Variants in PTPRJ observed in about 807,000 individuals in gnomAD.
PTPRJ encodes protein tyrosine phosphatase receptor type J.
Under a neutral mutation model 141.3 loss-of-function variants are expected in PTPRJ, and 129 were observed. The ratio of observed to expected loss-of-function variants is 0.91; its 90% CI spans 0.79 to 1.06. The LOEUF (loss-of-function observed/expected upper bound fraction) is 1.06, where lower values mean the gene tolerates loss of function less well. PTPRJ is among the 50% of genes least tolerant of loss of function. The pLI is 0.00. For synonymous variants in PTPRJ, 610 were observed against 640.5 expected (o/e 0.95, Z 0.72); for missense variants, 1,601 against 1,679.7 (o/e 0.95, Z 0.82).
At chr11:48,012,160 C>T (rs1180777489) in intron 1 of PTPRJ, among the ~76,000 whole-genome samples, 5 of 151,992 alleles carry the variant, frequency 3.3e-5, no homozygotes, top group South Asian at 2.1e-4. Flanking sequence ...GGGGTGAGTG[C>T]GATGCTAGTC....
At chr11:48,159,161 G>GTGTGTGTGTGTGTGTGTGTGTTTA (rs60389100) in intron 21 of PTPRJ, among the ~76,000 whole-genome samples, 13 of 130,520 alleles carry the variant, frequency 1.0e-4, no homozygotes, top group Non-Finnish European at 1.1e-4. Flanking sequence ...GTGTGTGTGT[G>GTGTGTGTGTGTGTGTGTGTGTTTA]GTCATTTGCC....
At chr11:48,055,685 C>T (rs564115048) in intron 1 of PTPRJ, among the ~76,000 whole-genome samples, 19 of 152,288 alleles carry the variant, frequency 1.2e-4, no homozygotes, top group Admixed American at 3.3e-4. Context: ...TCCCATTCCA[C>T]CCTGGGGCTT....
intron 1 of PTPRJ, among the ~76,000 whole-genome samples, chr11:48,053,036 C>G (rs1854615907): frequency 7.1e-6 from 1 of 141,770 alleles, no homozygotes; most frequent in Admixed American, 7.6e-5. Context: ...GAATGTGGCT[C>G]TGTGTTTCCA....
Position 48,123,691 on chromosome 11 carries a change from G to A in PTPRJ, c.695G>A (p.Gly232Asp). 6.2e-7 allele frequency: 1 copy of A among 1,614,152 alleles called. No individual in the cohort carries two copies. The highest frequency in any genetic ancestry group is 8.5e-7 in the Non-Finnish European group (1 of 1,180,016). The change falls in exon 5 of 25, where the codon GGC becomes GAC. Residue 232 changes from glycine (G) to aspartate (D), a missense_variant. Transcript: ENST00000418331. ...KAALSWSNGN[G>D]TASCRVLLES... ...GCTCTCTCCTGGAGCAATGGCAATG[G>A]CACTGCCTCCTGCCGGGTTCTTCTT...
intron 16 of PTPRJ, chr11:48,149,698 T>C: frequency 1.9e-6 from 1 of 535,686 alleles, no homozygotes; most frequent in South Asian, 2.7e-5. Flanking sequence ...TGTTCTACTC[T>C]TCTACCAATA....
At chr11:48,072,078 G>C (rs969627850) in intron 1 of PTPRJ, among the ~76,000 whole-genome samples, 4 of 151,222 alleles carry the variant, frequency 2.6e-5, no homozygotes, top group Non-Finnish European at 5.9e-5. Context: ...GCTAATTTTT[G>C]TATTTTTGTA....
At chr11:47,989,676 A>G (rs141475191) in intron 1 of PTPRJ, among the ~76,000 whole-genome samples, 4 of 152,100 alleles carry the variant, frequency 2.6e-5, no homozygotes, top group Non-Finnish European at 5.9e-5. Flanking sequence ...ATCAATTTGT[A>G]TAAGCTCTTT....
chr11:48,054,459 A>G (rs1854701816), intron 1 of PTPRJ, among the ~76,000 whole-genome samples: 1 of 152,210 alleles, frequency 6.6e-6, no homozygotes, highest in African/African-American at 2.4e-5. Flanking sequence ...TTATGTGCCA[A>G]GTAGTTTGTC....
intron 16 of PTPRJ, 96 bp downstream of exon 16, chr11:48,149,584 C>A (rs961180515): frequency 1.2e-6 from 1 of 845,918 alleles, no homozygotes; most frequent in Non-Finnish European, 1.8e-6. Context: ...GTCATTTTTC[C>A]TGATTGGCAC....
chr11:48,128,094 C>G (rs764862035), intron 7 of PTPRJ, 51 bp downstream of exon 7: 1 of 1,563,526 alleles, frequency 6.4e-7, no homozygotes. Context: ...CTGCTCCGTG[C>G]CAGGCCCAGA....
intron 1 of PTPRJ, among the ~76,000 whole-genome samples, chr11:48,068,959 T>A (rs1216267640): frequency 6.6e-6 from 1 of 152,206 alleles, no homozygotes; most frequent in Non-Finnish European, 1.5e-5. Context: ...TTATGTTCCT[T>A]GACATTCCAA....
At chr11:48,126,124 A>G (rs1856822893) in intron 6 of PTPRJ, among the ~76,000 whole-genome samples, 1 of 152,054 alleles carries the variant, frequency 6.6e-6, no homozygotes, top group African/African-American at 2.4e-5. Flanking sequence ...AAGGGGCTGA[A>G]ATCTGGTCTG....
At chr11:48,157,729 A>T (rs1857646809) in intron 21 of PTPRJ, among the ~76,000 whole-genome samples, 1 of 152,178 alleles carries the variant, frequency 6.6e-6, no homozygotes, top group Non-Finnish European at 1.5e-5. Context: ...CTGAGGATGG[A>T]GGAGGGAAAG....
In PTPRJ at chr11:48,155,821, C is replaced by A; in HGVS notation, c.3250C>A (p.Leu1084Ile). 1 of 1,604,766 alleles carries A rather than the reference C, an allele frequency of 6.2e-7. No homozygotes were observed. Among genetic ancestry groups the A allele is most frequent in the Non-Finnish European group, 8.5e-7 (1 of 1,172,818 alleles). ...CACAGATGATATTTCCCGTGTCAAA[C>A]TTTCGGTCCAGACCCATTCAACGGA... ...VLPYDISRVK[L>I]SVQTHSTDDY... Residue 1084 changes from leucine (L) to isoleucine (I), a missense_variant, in exon 20 of 25, where the codon CTT (leucine) becomes ATT (isoleucine). Transcript: ENST00000418331.
chr11:48,136,512 GATT>G (rs1857106036), intron 9 of PTPRJ, among the ~76,000 whole-genome samples: 1 of 152,254 alleles, frequency 6.6e-6, no homozygotes, highest in Admixed American at 6.5e-5. Context: ...AGGAAGAAAT[GATT>G]CCTTGGGAAT....
intron 3 of PTPRJ, among the ~76,000 whole-genome samples, chr11:48,114,598 A>G (rs1044777186): frequency 3.3e-5 from 5 of 152,256 alleles, no homozygotes; most frequent in African/African-American, 7.2e-5. Flanking sequence ...CCAATCTACA[A>G]TGATTGGAAT....
intron 8 of PTPRJ, chr11:48,131,419 G>T (rs1448937530): frequency 1.4e-6 from 1 of 724,826 alleles, no homozygotes; most frequent in East Asian, 2.5e-5. Context: ...AAACATTGAG[G>T]CCATCTGTAC....
intron 1 of PTPRJ, among the ~76,000 whole-genome samples, chr11:48,039,043 G>C (rs1334129218): frequency 6.6e-6 from 1 of 151,258 alleles, no homozygotes; most frequent in African/African-American, 2.4e-5. Flanking sequence ...CCAGCTACTT[G>C]GGAGGCTGAG....
At chr11:48,154,518 A>G (rs1857557277) in intron 19 of PTPRJ, among the ~76,000 whole-genome samples, 1 of 152,236 alleles carries the variant, frequency 6.6e-6, no homozygotes, top group Non-Finnish European at 1.5e-5. Context: ...TCTCCATTGA[A>G]AGTTCCTTGT....
Sources: gnomAD v4.1 joint callset for allele counts (sites outside exome capture counted in the v4.1 genomes callset) on GRCh38, gnomAD v4.1.1 for gene constraint, MANE v1.5 for transcripts, NCBI Gene and HGNC (gene_info 2026-07-23, HGNC 2026-07-21) for gene names.